SLC20A2: variants seen among roughly 807,000 people sequenced by gnomAD.
SLC20A2 encodes solute carrier family 20 member 2.
A neutral mutation model predicts 61.0 loss-of-function variants in SLC20A2; 30 were observed. The observed-to-expected ratio is 0.49, with a 90% CI of 0.37 to 0.67. The LOEUF (loss-of-function observed/expected upper bound fraction) is 0.67. Among genes scored for constraint, SLC20A2 ranks in the 30% least tolerant of loss-of-function variants. The probability of loss-of-function intolerance (pLI) is 0.00; values close to 1 mark genes in which losing one functional copy is unlikely to be tolerated. For missense variants in SLC20A2, 626 were observed against 866.4 expected, an observed-to-expected ratio of 0.72 and a Z score of 3.48; for synonymous variants, 351 against 353.3, an observed-to-expected ratio of 0.99 and a Z score of 0.07.
rs146167912 is a variant in SLC20A2 at position 42,499,332 on chromosome 8, G to C, written c.-265+1699C>G. 3.7e-3 allele frequency among the ~76,000 whole-genome samples: 564 copies of C among 152,294 alleles called. 4 individuals are homozygous for C. Among genetic ancestry groups the C allele is most frequent in the Middle Eastern group, 0.014 (4 of 294 alleles). ...GCACACGGGGTAGAAGCAGCGAAGA[G>C]AATCGCAGCACCGGCAAACACGAGG... is the stretch of plus-strand genomic sequence containing the variant. On this transcript the variant is annotated intron_variant, in intron 1 of 10. Coordinates refer to ENST00000520262, the MANE Select transcript of SLC20A2 (RefSeq NM_001257180.2).
chr8:42,431,955 C>G (rs937084454), intron 8 of SLC20A2, among the ~76,000 whole-genome samples: 2 of 152,160 alleles, frequency 1.3e-5, no homozygotes, highest in African/African-American at 4.8e-5. Flanking sequence ...AGAGCTCTGA[C>G]GGAGATATGC....
intron 1 of SLC20A2, among the ~76,000 whole-genome samples, chr8:42,489,021 C>A (rs1210144749): frequency 6.8e-6 from 1 of 146,936 alleles, no homozygotes; most frequent in Non-Finnish European, 1.5e-5. Flanking sequence ...CTCACTGCAA[C>A]CTCCGCCTCC....
At chr8:42,486,874 T>C (rs546364415) in intron 1 of SLC20A2, among the ~76,000 whole-genome samples, 2 of 152,168 alleles carry the variant, frequency 1.3e-5, no homozygotes, top group Non-Finnish European at 2.9e-5. Flanking sequence ...ATTTTTATTT[T>C]TATTTTTTTT....
At chr8:42,505,755 G>A (rs1242297839), upstream of SLC20A2, among the ~76,000 whole-genome samples, 1 of 151,878 alleles carries the variant, frequency 6.6e-6, no homozygotes, top group African/African-American at 2.4e-5. Context: ...GCCGGGCACG[G>A]TCACACATAC....
chr8:42,432,187 G>C (rs1016214558), intron 8 of SLC20A2, among the ~76,000 whole-genome samples: 2 of 152,216 alleles, frequency 1.3e-5, no homozygotes, highest in Non-Finnish European at 2.9e-5. Flanking sequence ...CGTGATTCAT[G>C]GGAGGAAGTG....
chr8:42,465,950 C>A (rs753470342), intron 2 of SLC20A2, 33 bp from the exon 3 acceptor site: 5 of 1,595,946 alleles, frequency 3.1e-6, no homozygotes, highest in Non-Finnish European at 4.3e-6. Flanking sequence ...CCATCAGATA[C>A]AGAGTACAGA....
At chr8:42,460,187 C>T (rs1234370250) in intron 4 of SLC20A2, 195 bp from the exon 5 acceptor site, 2 of 488,702 alleles carry the variant, frequency 4.1e-6, no homozygotes, top group Non-Finnish European at 7.5e-6. Flanking sequence ...CCATCTCTCC[C>T]ACACAAATGC....
chr8:42,531,269 ATGG>A (rs1268859263), intron 1 of SLC20A2, among the ~76,000 whole-genome samples: 1 of 152,150 alleles, frequency 6.6e-6, no homozygotes, highest in Non-Finnish European at 1.5e-5. Flanking sequence ...CTGCTCAGGG[ATGG>A]TGAATATTAC....
At chr8:42,532,826 G>A (rs1379746650) in intron 1 of SLC20A2, among the ~76,000 whole-genome samples, 1 of 152,180 alleles carries the variant, frequency 6.6e-6, no homozygotes, top group Non-Finnish European at 1.5e-5. Flanking sequence ...TGGACCACAG[G>A]CGAGGGTGAA....
chr8:42,420,874 C>T (rs918899575), intron 10 of SLC20A2, among the ~76,000 whole-genome samples: 1 of 152,210 alleles, frequency 6.6e-6, no homozygotes, highest in African/African-American at 2.4e-5. Context: ...TCTAGCCCCT[C>T]CTCCCAGGAC....
intron 1 of SLC20A2, among the ~76,000 whole-genome samples, chr8:42,528,360 G>A (rs756992444): frequency 7.9e-5 from 12 of 151,922 alleles, no homozygotes; most frequent in Non-Finnish European, 1.3e-4. Flanking sequence ...TACGCAGGAG[G>A]CTGAGGCAGG....
intron 5 of SLC20A2, among the ~76,000 whole-genome samples, chr8:42,455,261 G>T (rs77330596): frequency 0.13 from 7,869 of 60,928 alleles, 504 homozygotes; most frequent in African/African-American, 0.23. Flanking sequence ...TATATATAGA[G>T]AGAGAGAGAG....
chr8:42,516,928 CTCACA>C (rs1454095640), intron 1 of SLC20A2, among the ~76,000 whole-genome samples: 2 of 152,208 alleles, frequency 1.3e-5, no homozygotes, highest in African/African-American at 4.8e-5. Context: ...ACAGAGATGC[CTCACA>C]TAAGCCTGTG....
At chr8:42,533,188 CA>C (rs1812449313) in intron 1 of SLC20A2, among the ~76,000 whole-genome samples, 1 of 152,054 alleles carries the variant, frequency 6.6e-6, no homozygotes, top group South Asian at 2.1e-4. Flanking sequence ...TTCATAAAAG[CA>C]AAAATTGTCC....
chr8:42,465,432 G>A (rs899574727), intron 3 of SLC20A2, among the ~76,000 whole-genome samples: 11 of 151,696 alleles, frequency 7.3e-5, no homozygotes, highest in African/African-American at 2.4e-4. Flanking sequence ...GGTGGCTCAC[G>A]CCTATAATCC....
intron 10 of SLC20A2, among the ~76,000 whole-genome samples, chr8:42,424,825 C>T (rs1475769797): frequency 1.3e-5 from 2 of 152,124 alleles, no homozygotes; most frequent in East Asian, 3.8e-4. Context: ...GCAGGCAGAC[C>T]ACTTGAGGTC....
At chr8:42,541,881 C>G (rs1813225909) in exon 1 of SLC20A2, 1 of 152,104 alleles carries the variant, frequency 6.6e-6, no homozygotes, top group African/African-American at 2.4e-5. Flanking sequence ...CGGCGCGGAG[C>G]CCCTCGGCGT....
At chr8:42,497,370 T>G (rs926736817) in intron 1 of SLC20A2, among the ~76,000 whole-genome samples, 6 of 150,712 alleles carry the variant, frequency 4.0e-5, no homozygotes, top group African/African-American at 1.2e-4. Context: ...ACTTGGGAGA[T>G]TTTTTAAACA....
chr8:42,421,533 G>A (rs934694775), intron 10 of SLC20A2, among the ~76,000 whole-genome samples: 14 of 152,158 alleles, frequency 9.2e-5, no homozygotes, highest in Admixed American at 6.5e-5. Context: ...GGCCGGGTGC[G>A]GTGGCTCATG....
Sources: allele counts gnomAD v4.1 joint callset (sites outside exome capture counted in the v4.1 genomes callset), GRCh38; gene constraint gnomAD v4.1.1; transcripts MANE v1.5; gene names NCBI Gene and HGNC (gene_info 2026-07-23, HGNC 2026-07-21).